SLC4A5: variants seen among roughly 807,000 people sequenced by gnomAD.
The protein encoded by SLC4A5 is electrogenic sodium bicarbonate cotransporter 4.
In SLC4A5, 96 loss-of-function variants were observed where a neutral mutation model predicts 120.4. The ratio of observed to expected loss-of-function variants is 0.80; its 90% CI spans 0.68 to 0.94. The LOEUF is 0.94. Ranked by LOEUF, SLC4A5 falls within the 40% of genes least tolerant of loss-of-function variation. The pLI, the probability that SLC4A5 is intolerant of heterozygous loss-of-function variation, is 0.00. For missense variants in SLC4A5, 1,259 were observed against 1,459.5 expected, an observed-to-expected ratio of 0.86 and a Z score of 2.24; for synonymous variants, 550 against 571.1, an observed-to-expected ratio of 0.96 and a Z score of 0.53.
exon 15 of SLC4A5, chr2:74,252,977 T>C: frequency 6.2e-7 from 1 of 1,614,138 alleles, no homozygotes; most frequent in Non-Finnish European, 8.5e-7. Flanking sequence ...TACACACCTC[T>C]TGTCAGCAGA....
At position 74,227,896 on chromosome 2, in the gene SLC4A5, C is replaced by G. The variant is rs1192866574; in HGVS notation, c.2848-18G>C. The G allele has an allele frequency of 1.9e-6, 3 of 1,586,872 alleles. No individual in the cohort carries two copies. The highest frequency in any genetic ancestry group is 2.6e-6 in the Non-Finnish European group (3 of 1,167,144). On this transcript the variant is annotated intron_variant, in intron 25 of 30. Transcript: ENST00000394019. The stretch of plus-strand genomic sequence containing the variant: ...GGGATACACTAAAATGAGAGCAGAG[C>G]TTTGGATCGGCCTCTGCCTGGGGCG...
At chr2:74,303,016 CTG>C (rs10601390) in intron 7 of SLC4A5, among the ~76,000 whole-genome samples, 22,713 of 144,096 alleles carry the variant, frequency 0.16, 2,291 homozygotes, top group East Asian at 0.45. Flanking sequence ...CTGAGCAGGA[CTG>C]TGTGTGTGTG....
intron 3 of SLC4A5, among the ~76,000 whole-genome samples, chr2:74,336,040 C>A (rs1673479765): frequency 6.6e-6 from 1 of 152,272 alleles, no homozygotes; most frequent in Non-Finnish European, 1.5e-5. Flanking sequence ...TTAATCCTCA[C>A]AGCAACCTCA....
chr2:74,264,038 A>G, intron 10 of SLC4A5, 109 bp downstream of exon 10: 1 of 1,398,430 alleles, frequency 7.2e-7, no homozygotes, highest in East Asian at 2.4e-5. Context: ...TCCCCAGAAC[A>G]TCAGAATTTC....
intron 8 of SLC4A5, among the ~76,000 whole-genome samples, chr2:74,276,874 A>G (rs969525931): frequency 6.6e-6 from 1 of 152,010 alleles, no homozygotes; most frequent in African/African-American, 2.4e-5. Context: ...AGTAGGGTGG[A>G]TGTGAACATG....
chr2:74,270,970 T>C (rs1671457321), intron 8 of SLC4A5, among the ~76,000 whole-genome samples: 1 of 152,236 alleles, frequency 6.6e-6, no homozygotes. Flanking sequence ...ACAGTCATGC[T>C]ATGCTTTAGT....
At chr2:74,271,816 A>G (rs901665577) in intron 8 of SLC4A5, among the ~76,000 whole-genome samples, 9 of 151,954 alleles carry the variant, frequency 5.9e-5, no homozygotes, top group Admixed American at 2.0e-4. Flanking sequence ...AATACTCAGA[A>G]GCCGGGCATG....
At chr2:74,321,608 G>A (rs1183739815) in intron 5 of SLC4A5, among the ~76,000 whole-genome samples, 1 of 152,014 alleles carries the variant, frequency 6.6e-6, no homozygotes, top group African/African-American at 2.4e-5. Flanking sequence ...AGGACTCTGG[G>A]AAAGTAAGTT....
intron 15 of SLC4A5, 109 bp downstream of exon 15, chr2:74,252,864 AG>A (rs1670835877): frequency 1.5e-6 from 2 of 1,318,644 alleles, no homozygotes; most frequent in Admixed American, 2.0e-5. Flanking sequence ...TTGAGATTAC[AG>A]GCATGAGCCA....
At position 74,273,035 on chromosome 2, in the gene SLC4A5, G is replaced by C. The variant is rs1017748652; in HGVS notation, c.402-7771C>G. On this transcript the variant is annotated intron_variant, in intron 8 of 30. Transcript: ENST00000394019. ...TCAATGGCTGCATTAGGATCATCTGGGAGCTTTTTACAAATTCTAAAACCC... is the reference window on the plus strand; with the variant it reads ...TCAATGGCTGCATTAGGATCATCTGCGAGCTTTTTACAAATTCTAAAACCC... Among the ~76,000 whole-genome samples, 48 of 152,146 alleles carry C rather than the reference G, an allele frequency of 3.2e-4. 1 individual carries two copies. Among genetic ancestry groups the C allele is most frequent in the Non-Finnish European group, 2.6e-4 (18 of 68,038 alleles).
intron 10 of SLC4A5, among the ~76,000 whole-genome samples, chr2:74,262,756 G>A (rs765882150): frequency 1.3e-5 from 2 of 151,994 alleles, no homozygotes; most frequent in Non-Finnish European, 2.9e-5. Flanking sequence ...AAGTGAGAGA[G>A]ATACACAGTG....
At chr2:74,304,349 A>T in intron 7 of SLC4A5, 140 bp downstream of exon 7, 1 of 831,338 alleles carries the variant, frequency 1.2e-6, no homozygotes. Context: ...ATGGAAGCAG[A>T]GCAGAGGGGG....
At chr2:74,325,301 G>A (rs1449623573) in intron 5 of SLC4A5, among the ~76,000 whole-genome samples, 3 of 152,190 alleles carry the variant, frequency 2.0e-5, no homozygotes, top group Non-Finnish European at 4.4e-5. Flanking sequence ...ACAAACTATA[G>A]AAGTATGGAG....
At chr2:74,300,688 C>T (rs1199020929) in intron 7 of SLC4A5, among the ~76,000 whole-genome samples, 1 of 152,162 alleles carries the variant, frequency 6.6e-6, no homozygotes, top group Non-Finnish European at 1.5e-5. Context: ...TCCATCAACG[C>T]ACCTCCCACC....
At chr2:74,319,571 A>G (rs1007133671) in intron 5 of SLC4A5, 4 of 152,192 alleles carry the variant, frequency 2.6e-5, no homozygotes, top group Non-Finnish European at 5.9e-5. Flanking sequence ...TTGGCCTGAC[A>G]TAAGTTGTTT....
At chr2:74,294,383 G>A (rs1672266136) in intron 7 of SLC4A5, among the ~76,000 whole-genome samples, 1 of 152,134 alleles carries the variant, frequency 6.6e-6, no homozygotes, top group Non-Finnish European at 1.5e-5. Context: ...AAAACCAAAA[G>A]GGTAAAAGGC....
intron 23 of SLC4A5, 83 bp from the exon 24 acceptor site, chr2:74,232,730 A>G: frequency 6.6e-7 from 1 of 1,517,932 alleles, no homozygotes; most frequent in Non-Finnish European, 8.9e-7. Flanking sequence ...AACATGGTTC[A>G]AGGACCCCCT....
In SLC4A5 at chr2:74,252,274, C is replaced by G. The variant is rs767598203; in HGVS notation, c.1383G>C (p.Gly461=). The G allele has an allele frequency of 1.6e-5, 25 of 1,610,962 alleles. No individual in the cohort carries two copies. In the South Asian group the frequency reaches 2.4e-4, roughly 16 times the overall value. The change falls in exon 16 of 31, where the codon GGG becomes GGC. Residue 461 remains glycine (G), a synonymous_variant. Transcript: ENST00000394019. ...TTCCGCCGGCCCCGCCACTGCCAGC[C>G]CCGCCGCCACTGCCACCACCACCAC...
intron 8 of SLC4A5, among the ~76,000 whole-genome samples, chr2:74,279,303 G>A (rs1426818697): frequency 2.0e-5 from 3 of 152,134 alleles, no homozygotes; most frequent in South Asian, 2.1e-4. Context: ...CTCAGACTGC[G>A]GGAGTAGGTC....
Sources: gnomAD v4.1 joint callset for allele counts (sites outside exome capture counted in the v4.1 genomes callset) on GRCh38, gnomAD v4.1.1 for gene constraint, MANE v1.5 for transcripts, NCBI Gene and HGNC (gene_info 2026-07-23, HGNC 2026-07-21) for gene names.